OSTC: variants seen among roughly 807,000 people sequenced by gnomAD.
OSTC encodes the protein oligosaccharyltransferase complex subunit OSTC.
A neutral mutation model predicts 16.4 loss-of-function variants in OSTC; 16 were observed. The ratio of observed to expected loss-of-function variants is 0.98; its 90% CI spans 0.66 to 1.49. OSTC has a LOEUF of 1.49. OSTC is among the 40% of genes most tolerant of loss of function. The pLI is 0.00. For missense variants in OSTC, 139 were observed against 186.3 expected (o/e 0.75, Z 1.48); for synonymous variants, 67 against 68.5 (o/e 0.98, Z 0.11).
chr4:108,662,765 TA>T (rs1726889473), intron 3 of OSTC, among the ~76,000 whole-genome samples: 2 of 150,682 alleles, frequency 1.3e-5, no homozygotes, highest in South Asian at 4.1e-4. Context: ...GATTTGGAGC[TA>T]TATTTTAGAG....
At chr4:108,665,445 CTT>C (rs371138600) in intron 3 of OSTC, among the ~76,000 whole-genome samples, 7 of 114,126 alleles carry the variant, frequency 6.1e-5, no homozygotes, top group Non-Finnish European at 7.0e-5. Context: ...TGTTGTAAAC[CTT>C]TTTTTTTTTT....
In OSTC at chr4:108,650,642, T is replaced by C; in HGVS notation, c.-14T>C. On this transcript the variant is annotated 5_prime_UTR_variant, in exon 1 of 4. Coordinates refer to ENST00000361564, the MANE Select transcript of OSTC (RefSeq NM_021227.4). ...TGGGGCTTGAGGCCGAGAACGGCCCTTGCTGCCACCAACATGGAGACTTTG... is the reference window on the plus strand; with the variant it reads ...TGGGGCTTGAGGCCGAGAACGGCCCCTGCTGCCACCAACATGGAGACTTTG... 6.2e-7 allele frequency: 1 copy of C among 1,613,710 alleles called. No homozygotes were observed. The highest frequency in any genetic ancestry group is 8.5e-7 in the Non-Finnish European group (1 of 1,179,734).
At chr4:108,658,882 C>T (rs1466977024) in intron 3 of OSTC, among the ~76,000 whole-genome samples, 1 of 151,586 alleles carries the variant, frequency 6.6e-6, no homozygotes, top group African/African-American at 2.4e-5. Flanking sequence ...CATTTTAGTC[C>T]TGGCAGGATG....
At chr4:108,655,543 G>C (rs755872099) in intron 1 of OSTC, 21 bp from the exon 2 acceptor site, 1 of 1,428,244 alleles carries the variant, frequency 7.0e-7, no homozygotes, top group Middle Eastern at 1.9e-4. Flanking sequence ...AATCTAATCT[G>C]TTCTGTTGTC....
chr4:108,660,935 G>A (rs942142298), intron 3 of OSTC, among the ~76,000 whole-genome samples: 1 of 152,210 alleles, frequency 6.6e-6, no homozygotes, highest in Admixed American at 6.5e-5. Context: ...AATGACTGTT[G>A]GCTGGGCACA....
intron 1 of OSTC, among the ~76,000 whole-genome samples, chr4:108,654,689 G>T (rs920079219): frequency 2.0e-5 from 3 of 152,196 alleles, no homozygotes; most frequent in East Asian, 3.8e-4. Flanking sequence ...CAGTGGAGAA[G>T]GTAGAGTAGA....
intron 2 of OSTC, among the ~76,000 whole-genome samples, chr4:108,656,871 G>A (rs113189946): frequency 1.3e-4 from 20 of 152,130 alleles, no homozygotes; most frequent in Non-Finnish European, 2.4e-4. Flanking sequence ...AGGCCGAGAT[G>A]GGCGGATCAC....
chr4:108,667,662 C>T lies in OSTC; in HGVS notation c.*397C>T, dbSNP rs1292150907. On this transcript the variant is annotated 3_prime_UTR_variant, in exon 4 of 4. Transcript: ENST00000361564. ...AACATAAAATCCAGAAGCAAGATTC[C>T]GTAAGCTGAGAACTCTGGACAGTTG... 9 of 159,548 alleles carry T rather than the reference C, an allele frequency of 5.6e-5. No homozygotes were observed. Among genetic ancestry groups the T allele is most frequent in the South Asian group, 2.0e-4 (1 of 5,040 alleles). The allele number at this position is 159,548 out of a possible 1,614,324, so 9.9% of individuals were successfully genotyped here.
At chr4:108,652,186 T>C (rs1726571970) in intron 1 of OSTC, 1 of 152,126 alleles carries the variant, frequency 6.6e-6, no homozygotes, top group South Asian at 2.1e-4. Context: ...AAAATTGGAA[T>C]GATAGGGAGA....
chr4:108,651,902 C>T (rs1726562665), intron 1 of OSTC, among the ~76,000 whole-genome samples: 1 of 151,888 alleles, frequency 6.6e-6, no homozygotes, highest in Non-Finnish European at 1.5e-5. Flanking sequence ...CCTCCTTCCC[C>T]CAATCTAGAA....
In OSTC at chr4:108,650,643, T is replaced by A. The variant is rs1726502165; in HGVS notation, c.-13T>A. 1.2e-6 allele frequency: 2 copies of A among 1,613,636 alleles called. No individual in the cohort carries two copies. The highest frequency in any genetic ancestry group is 1.7e-6 in the Non-Finnish European group (2 of 1,179,726). On this transcript the variant is annotated 5_prime_UTR_variant, in exon 1 of 4. Transcript: ENST00000361564. ...GGGGCTTGAGGCCGAGAACGGCCCTTGCTGCCACCAACATGGAGACTTTGT... is the reference window on the plus strand; with the variant it reads ...GGGGCTTGAGGCCGAGAACGGCCCTAGCTGCCACCAACATGGAGACTTTGT...
At position 108,650,663 on chromosome 4, in the gene OSTC, CTT is replaced by C; in HGVS notation, c.10_11del (p.Leu4ValfsTer47). 1 of 1,614,076 alleles carries C rather than the reference CTT, an allele frequency of 6.2e-7. No individual in the cohort carries two copies. Among genetic ancestry groups the C allele is most frequent in the South Asian group, 1.1e-5 (1 of 91,080 alleles). On this transcript the variant is annotated frameshift_variant, in exon 1 of 4. Transcript: ENST00000361564. LOFTEE classifies it high-confidence loss of function. ...GCCCTTGCTGCCACCAACATGGAGA[CTT>C]TGTACCGTGTCCCGTTCTTAGTGCT...
At position 108,663,857 on chromosome 4, in the gene OSTC, G is replaced by C. The variant is rs565444763; in HGVS notation, c.432-3390G>C. Among the ~76,000 whole-genome samples the C allele has an allele frequency of 3.3e-4, 50 of 152,274 alleles. 1 individual carries two copies. In the South Asian group the frequency reaches 1.0e-2, roughly 30 times the overall value. On this transcript the variant is annotated intron_variant, in intron 3 of 3. Coordinates refer to ENST00000361564, the MANE Select transcript of OSTC (RefSeq NM_021227.4). ...GAATGGCCTTAAAGATTAAATAGAA[G>C]GTCCTTCATGGTGGCTTCTCCTGTC...
chr4:108,652,019 T>C (rs1726566999), intron 1 of OSTC: 1 of 152,244 alleles, frequency 6.6e-6, no homozygotes, highest in Non-Finnish European at 1.5e-5. Flanking sequence ...GCATTAGCAT[T>C]AACCATTAAC....
At chr4:108,666,242 G>A (rs1726998073) in intron 3 of OSTC, among the ~76,000 whole-genome samples, 1 of 152,096 alleles carries the variant, frequency 6.6e-6, no homozygotes, top group African/African-American at 2.4e-5. Flanking sequence ...GGTAATATTA[G>A]AGTTTTTAGA....
At position 108,652,815 on chromosome 4, in the gene OSTC, A is replaced by C. The variant is rs557716699; in HGVS notation, c.139+2021A>C. On this transcript the variant is annotated intron_variant, in intron 1 of 3. Coordinates refer to ENST00000361564, the MANE Select transcript of OSTC (RefSeq NM_021227.4). ...CACTTTGGGAGCCTGAGCCAGTTGG[A>C]TCATTTGAGCCCAGGAGTTCGAGGC... Among the ~76,000 whole-genome samples, 489 of 152,214 alleles carry C rather than the reference A, an allele frequency of 3.2e-3. 2 individuals are homozygous for C. Among genetic ancestry groups the C allele is most frequent in the African/African-American group, 0.011 (462 of 41,538 alleles).
At chr4:108,661,756 C>G (rs34577358) in intron 3 of OSTC, among the ~76,000 whole-genome samples, 231 of 152,216 alleles carry the variant, frequency 1.5e-3, no homozygotes, top group Admixed American at 3.1e-3. Flanking sequence ...TGCCACCATG[C>G]CAGGCTAATT....
At chr4:108,654,034 A>G (rs1726631089) in intron 1 of OSTC, among the ~76,000 whole-genome samples, 1 of 152,246 alleles carries the variant, frequency 6.6e-6, no homozygotes, top group African/African-American at 2.4e-5. Flanking sequence ...ATAGAGAGGT[A>G]GCAAGAAAAC....
chr4:108,664,937 G>C (rs1289301914), intron 3 of OSTC, among the ~76,000 whole-genome samples: 1 of 152,140 alleles, frequency 6.6e-6, no homozygotes, highest in Non-Finnish European at 1.5e-5. Context: ...GATTTGGGAG[G>C]AGGTGAGAAG....
Sources: gnomAD v4.1 joint callset for allele counts (sites outside exome capture counted in the v4.1 genomes callset) on GRCh38, gnomAD v4.1.1 for gene constraint, MANE v1.5 for transcripts, NCBI Gene and HGNC (gene_info 2026-07-23, HGNC 2026-07-21) for gene names.